CDH12: variants seen among roughly 807,000 people sequenced by gnomAD.
The protein encoded by CDH12 is cadherin-12.
In CDH12, 41 loss-of-function variants were observed where a neutral mutation model predicts 74.1. That is an observed-to-expected ratio of 0.55 (90% CI 0.43 to 0.72). The LOEUF is 0.72. Among genes scored for constraint, CDH12 ranks in the 30% least tolerant of loss-of-function variants. The probability of loss-of-function intolerance (pLI) is 0.00; values close to 1 mark genes in which losing one functional copy is unlikely to be tolerated. For synonymous variants in CDH12, 399 were observed against 355.0 expected, an observed-to-expected ratio of 1.12 and a Z score of -1.39; for missense variants, 945 against 977.2, an observed-to-expected ratio of 0.97 and a Z score of 0.44.
intron 1 of CDH12, among the ~76,000 whole-genome samples, chr5:22,683,770 G>A (rs535552967): frequency 1.9e-3 from 283 of 152,256 alleles, no homozygotes; most frequent in Non-Finnish European, 3.5e-3. Context: ...GTTTCGTTTA[G>A]CATTATACTC....
At chr5:22,085,840 C>T (rs1743026571) in intron 4 of CDH12, among the ~76,000 whole-genome samples, 1 of 152,118 alleles carries the variant, frequency 6.6e-6, no homozygotes, top group Admixed American at 6.6e-5. Flanking sequence ...CTTTCTGCTT[C>T]CTATTGTATG....
intron 2 of CDH12, among the ~76,000 whole-genome samples, chr5:22,424,185 G>A (rs1421649889): frequency 6.6e-6 from 1 of 151,814 alleles, no homozygotes; most frequent in East Asian, 1.9e-4. Flanking sequence ...CTTCCTCCTT[G>A]TGTGCCTACA....
At chr5:21,917,026 G>A (rs1354625243) in intron 6 of CDH12, among the ~76,000 whole-genome samples, 1 of 152,132 alleles carries the variant, frequency 6.6e-6, no homozygotes, top group African/African-American at 2.4e-5. Flanking sequence ...TGGTCATAGA[G>A]CTGCCTTCTG....
At chr5:22,478,396 C>T (rs1380867080) in intron 2 of CDH12, among the ~76,000 whole-genome samples, 17 of 115,442 alleles carry the variant, frequency 1.5e-4, no homozygotes, top group Non-Finnish European at 1.9e-4. Context: ...CCAGCCTGGG[C>T]GACAGAGCGA....
At chr5:22,008,116 C>A (rs911877421) in intron 5 of CDH12, among the ~76,000 whole-genome samples, 2 of 152,144 alleles carry the variant, frequency 1.3e-5, no homozygotes, top group Non-Finnish European at 2.9e-5. Flanking sequence ...GTGCTTTTGG[C>A]ACTCACCATA....
rs569981314 is a variant in CDH12 at position 22,255,263 on chromosome 5, AT to A, written c.-332-42621del. Among the ~76,000 whole-genome samples the A allele has an allele frequency of 2.3e-3, 338 of 147,616 alleles. 1 individual carries two copies. Among genetic ancestry groups the A allele is most frequent in the African/African-American group, 5.4e-3 (220 of 40,626 alleles). ...TACTTTAACCTCTGAAGTATTTGTG[AT>A]TTTTTTTTTTGAGTGATGTATGAGT... is the stretch of plus-strand genomic sequence containing the variant. On this transcript the variant is annotated intron_variant, in intron 3 of 14. Coordinates refer to ENST00000382254, the MANE Select transcript of CDH12 (RefSeq NM_004061.5).
chr5:21,946,590 G>A (rs1002395600), intron 6 of CDH12, among the ~76,000 whole-genome samples: 9 of 152,120 alleles, frequency 5.9e-5, no homozygotes, highest in Admixed American at 3.3e-4. Context: ...TTTAACCAGT[G>A]CAATTAATAA....
intron 1 of CDH12, among the ~76,000 whole-genome samples, chr5:22,640,502 A>AT (rs1739089437): frequency 1.3e-5 from 2 of 152,114 alleles, no homozygotes; most frequent in African/African-American, 4.8e-5. Flanking sequence ...AGCACCCATA[A>AT]TTATTTGATC....
intron 1 of CDH12, among the ~76,000 whole-genome samples, chr5:22,780,465 TG>T (rs893208414): frequency 7.9e-5 from 12 of 152,128 alleles, no homozygotes; most frequent in Non-Finnish European, 1.3e-4. Context: ...CTTACAATCA[TG>T]GTGGATGGTG....
At chr5:22,587,581 A>C (rs1225479118) in intron 1 of CDH12, among the ~76,000 whole-genome samples, 2 of 152,142 alleles carry the variant, frequency 1.3e-5, no homozygotes, top group African/African-American at 4.8e-5. Context: ...TATTTGCCTC[A>C]TTAGACCAAG....
At chr5:22,542,288 A>G (rs1738140157) in intron 1 of CDH12, among the ~76,000 whole-genome samples, 1 of 152,176 alleles carries the variant, frequency 6.6e-6, no homozygotes, top group African/African-American at 2.4e-5. Context: ...ATTTTAAAAA[A>G]TTGGTCAGTA....
chr5:22,546,771 A>G (rs1340201410), intron 1 of CDH12, among the ~76,000 whole-genome samples: 2 of 152,190 alleles, frequency 1.3e-5, no homozygotes, highest in African/African-American at 2.4e-5. Flanking sequence ...ATAAAAAAAT[A>G]CATTGAAAGC....
intron 2 of CDH12, among the ~76,000 whole-genome samples, chr5:22,406,273 G>A (rs547718186): frequency 6.6e-6 from 1 of 152,020 alleles, no homozygotes; most frequent in South Asian, 2.1e-4. Context: ...AGGGAAGGAG[G>A]GACTCAATTA....
intron 1 of CDH12, among the ~76,000 whole-genome samples, chr5:22,800,092 A>G (rs1748435048): frequency 1.3e-5 from 2 of 152,198 alleles, no homozygotes; most frequent in Admixed American, 1.3e-4. Flanking sequence ...GTAGTAGTTA[A>G]TTCAACTGAG....
chr5:22,070,218 C>G (rs955986436), intron 5 of CDH12, among the ~76,000 whole-genome samples: 2 of 151,810 alleles, frequency 1.3e-5, no homozygotes, highest in Non-Finnish European at 2.9e-5. Flanking sequence ...ATGAGTAAAC[C>G]CAAGGACTTT....
At chr5:21,981,666 A>G (rs2150127695) in intron 5 of CDH12, among the ~76,000 whole-genome samples, 1 of 152,146 alleles carries the variant, frequency 6.6e-6, no homozygotes, top group East Asian at 1.9e-4. Context: ...CTGTCCTAAA[A>G]AATTCTGAAG....
At chr5:21,926,794 T>C (rs916413495) in intron 6 of CDH12, among the ~76,000 whole-genome samples, 1 of 152,066 alleles carries the variant, frequency 6.6e-6, no homozygotes, top group South Asian at 2.1e-4. Flanking sequence ...GAAGGCCGAG[T>C]GCATGCAGGT....
intron 4 of CDH12, among the ~76,000 whole-genome samples, chr5:22,163,856 T>TA (rs2150321525): frequency 1.3e-5 from 2 of 152,344 alleles, no homozygotes; most frequent in African/African-American, 4.8e-5. Flanking sequence ...ATCTCACTGT[T>TA]ATGTCTCTTT....
intron 5 of CDH12, among the ~76,000 whole-genome samples, chr5:22,000,772 A>T (rs1005150118): frequency 5.6e-4 from 85 of 152,156 alleles, no homozygotes; most frequent in African/African-American, 2.0e-3. Context: ...ATGTAAATTC[A>T]GCCAATGTGC....
Sources: allele counts gnomAD v4.1 joint callset (sites outside exome capture counted in the v4.1 genomes callset), GRCh38; gene constraint gnomAD v4.1.1; transcripts MANE v1.5; gene names NCBI Gene and HGNC (gene_info 2026-07-23, HGNC 2026-07-21).